The following MEX3C variants were observed in gnomAD, a reference collection of about 807,000 sequenced individuals.
The protein encoded by MEX3C is mex-3 RNA binding family member C.
Under a neutral mutation model 35.5 loss-of-function variants are expected in MEX3C, and 15 were observed. The observed-to-expected ratio is 0.42, with a 90% CI of 0.28 to 0.65. The LOEUF is 0.65. Among genes scored for constraint, MEX3C ranks in the 30% least tolerant of loss-of-function variants. MEX3C has a pLI of 0.20. For missense variants in MEX3C, 711 were observed against 842.8 expected (o/e 0.84, Z 1.94); for synonymous variants, 390 against 352.8 (o/e 1.11, Z -1.18).
At chr18:51,181,670 G>A (rs1038491911) in intron 1 of MEX3C, among the ~76,000 whole-genome samples, 11 of 152,132 alleles carry the variant, frequency 7.2e-5, no homozygotes, top group Non-Finnish European at 1.2e-4. Context: ...AATAACTTCT[G>A]TATTTTATAA....
At chr18:51,178,306 T>C (rs1912347866) in intron 1 of MEX3C, among the ~76,000 whole-genome samples, 1 of 152,060 alleles carries the variant, frequency 6.6e-6, no homozygotes, top group Non-Finnish European at 1.5e-5. Context: ...ATCCTAAGTA[T>C]ATTTAAGTTA....
In MEX3C at chr18:51,197,077, G is replaced by A; in HGVS notation, c.244C>T (p.Arg82Trp). The part of the protein sequence containing the change: ...APAAAAQGQA[R>W]RAAELSPEER... ...TCTGGAGACAGCTCCGCCGCCCGCC[G>A]GGCCTGGCCCTGCGCCGCCGCTGCC... The change falls in exon 1 of 2, where the codon CGG (arginine) becomes TGG (tryptophan). Residue 82 changes from arginine to tryptophan, a missense_variant. This residue lies in a region of MEX3C where 354 missense variants were observed against 311.6 expected (regional missense o/e 1.14). Transcript: ENST00000406189. 7.5e-7 allele frequency: 1 copy of A among 1,331,614 alleles called. No individual in the cohort carries two copies. The highest frequency in any genetic ancestry group is 9.6e-7 in the Non-Finnish European group (1 of 1,046,396). 82.5% of individuals were successfully genotyped at this position (1,331,614 alleles called of 1,614,324 possible). A position where few individuals can be genotyped will look rare whatever the true frequency, so the allele number is the denominator to read the frequency against.
At chr18:51,186,271 G>A (rs1912535423) in intron 1 of MEX3C, among the ~76,000 whole-genome samples, 2 of 152,126 alleles carry the variant, frequency 1.3e-5, no homozygotes, top group Admixed American at 1.3e-4. Context: ...TACAGTAACC[G>A]GTTTAAAGGT....
Position 51,189,653 on chromosome 18 carries a change from G to A in MEX3C, c.754+6914C>T, listed in dbSNP as rs558976174. On this transcript the variant is annotated intron_variant, in intron 1 of 1. Transcript: ENST00000406189. ...CTGAAAGAAAAAACCAGAAGAGGGT[G>A]TAAATTAGAGATGAAAGGCAGAAGT... Among the ~76,000 whole-genome samples the A allele has an allele frequency of 3.5e-3, 534 of 152,292 alleles. 2 individuals are homozygous for A. The highest frequency in any genetic ancestry group is 6.3e-3 in the Non-Finnish European group (430 of 68,008).
chr18:51,184,130 C>T (rs1912485265), intron 1 of MEX3C, among the ~76,000 whole-genome samples: 1 of 152,110 alleles, frequency 6.6e-6, no homozygotes, highest in Non-Finnish European at 1.5e-5. Context: ...AGGCAAGGAA[C>T]TTCAGGTGTC....
chr18:51,193,311 T>A lies in MEX3C; in HGVS notation c.754+3256A>T, dbSNP rs1912697154. 4 of 152,166 alleles carry A rather than the reference T, an allele frequency of 2.6e-5. No individual in the cohort carries two copies. In the South Asian group the frequency reaches 8.3e-4, roughly 31 times the overall value. The allele number at this position is 152,166 out of a possible 1,614,324, so 9.4% of individuals were successfully genotyped here. On this transcript the variant is annotated intron_variant, in intron 1 of 1. Coordinates refer to ENST00000406189, the MANE Select transcript of MEX3C (RefSeq NM_016626.5). ...AAGTCTAATGAAAGATACACATTTA[T>A]CCTAATAGTAATACAAAATCTTGGG...
rs368718407 is a variant in MEX3C, at chr18:51,196,982, C to T, written c.339G>A (p.Glu113=). ...CGTCCAGCTCCGCTTCCTCCCCCTCCTCCTCGTCCTCTTCCAGCTCCAGCT... is the reference window on the plus strand; with the variant it reads ...CGTCCAGCTCCGCTTCCTCCCCCTCTTCCTCGTCCTCTTCCAGCTCCAGCT... ...AAELELEEDE[E]EGEEAELDGD... is the part of the protein sequence containing the mutation. Residue 113 remains glutamate (E), a synonymous_variant, in exon 1 of 2, where the codon GAG becomes GAA. Coordinates refer to ENST00000406189, the MANE Select transcript of MEX3C (RefSeq NM_016626.5). 10 of 1,537,686 alleles carry T rather than the reference C, an allele frequency of 6.5e-6. No individual in the cohort carries two copies. In the African/African-American group the frequency reaches 1.1e-4, roughly 17 times the overall value.
intron 1 of MEX3C, among the ~76,000 whole-genome samples, chr18:51,183,018 G>A (rs1912462938): frequency 6.6e-6 from 1 of 152,200 alleles, no homozygotes; most frequent in South Asian, 2.1e-4. Context: ...CCAGTACAGT[G>A]ATAGTGAAAA....
In MEX3C at chr18:51,197,006, C is replaced by T. The variant is rs1217669348; in HGVS notation, c.315G>A (p.Glu105=). 7 of 1,527,858 alleles carry T rather than the reference C, an allele frequency of 4.6e-6. No individual in the cohort carries two copies. Among genetic ancestry groups the T allele is most frequent in the African/African-American group, 1.4e-5 (1 of 70,196 alleles). The allele number at this position is 1,527,858 out of a possible 1,614,324, so 94.6% of individuals were successfully genotyped here. The change falls in exon 1 of 2, where the codon GAG becomes GAA. Residue 105 remains glutamate (E), a synonymous_variant. Coordinates refer to ENST00000406189, the MANE Select transcript of MEX3C (RefSeq NM_016626.5). ...CCTCCTCGTCCTCTTCCAGCTCCAG[C>T]TCGGCCGCCTCCGGGGCCCCGGGCC... ...PGRPGAPEAA[E]LELEEDEEEG...
Position 51,192,086 on chromosome 18 carries a change from A to G in MEX3C, c.754+4481T>C, listed in dbSNP as rs1289343189. On this transcript the variant is annotated intron_variant, in intron 1 of 1. Coordinates refer to ENST00000406189, the MANE Select transcript of MEX3C (RefSeq NM_016626.5). ...AAACTTACGCTGTAAAGAACCACCTAGAATTCCAACCTATAAACATTGTTT... is the reference window on the plus strand; with the variant it reads ...AAACTTACGCTGTAAAGAACCACCTGGAATTCCAACCTATAAACATTGTTT... 3.9e-5 allele frequency among the ~76,000 whole-genome samples: 6 copies of G among 152,190 alleles called. No homozygotes were observed. In the East Asian group the frequency reaches 1.2e-3, roughly 29 times the overall value.
intron 1 of MEX3C, among the ~76,000 whole-genome samples, chr18:51,190,798 T>C (rs966376207): frequency 2.6e-5 from 4 of 152,186 alleles, no homozygotes; most frequent in Non-Finnish European, 5.9e-5. Context: ...CATTAGAAAA[T>C]TATTTTCAAG....
At chr18:51,195,027 T>C (rs2144560679) in intron 1 of MEX3C, 1 of 152,264 alleles carries the variant, frequency 6.6e-6, no homozygotes, top group South Asian at 2.1e-4. Flanking sequence ...TTTATTAGAC[T>C]GTTATCTTCT....
At chr18:51,189,755 G>A (rs1429655040) in intron 1 of MEX3C, among the ~76,000 whole-genome samples, 4 of 152,044 alleles carry the variant, frequency 2.6e-5, no homozygotes, top group Non-Finnish European at 5.9e-5. Context: ...TTATCTGTCT[G>A]GGTACCATAC....
At chr18:51,186,569 C>T (rs62092912) in intron 1 of MEX3C, among the ~76,000 whole-genome samples, 3,601 of 152,176 alleles carry the variant, frequency 0.024, 57 homozygotes, top group Non-Finnish European at 0.034. Flanking sequence ...AAGGGAATTT[C>T]GACTTTATCG....
At chr18:51,194,924 C>T (rs141096630) in intron 1 of MEX3C, 2,053 of 152,358 alleles carry the variant, frequency 0.013, 27 homozygotes, top group Non-Finnish European at 0.02. Flanking sequence ...TGTTAGACTC[C>T]TTCCTACCCA....
chr18:51,190,606 C>G (rs1278666268), intron 1 of MEX3C, among the ~76,000 whole-genome samples: 2 of 152,160 alleles, frequency 1.3e-5, no homozygotes, highest in South Asian at 4.1e-4. Flanking sequence ...TCCGTACTTA[C>G]CGGACAAGGG....
At chr18:51,187,188 T>TC (rs112603933) in intron 1 of MEX3C, among the ~76,000 whole-genome samples, 3,658 of 152,290 alleles carry the variant, frequency 0.024, 160 homozygotes, top group African/African-American at 0.082. Flanking sequence ...CCTTACATAA[T>TC]CTGGAAAACC....
Position 51,196,709 on chromosome 18 carries a change from G to A in MEX3C, c.612C>T (p.Ala204=), listed in dbSNP as rs941335934. The A allele has an allele frequency of 2.0e-6, 3 of 1,538,122 alleles. No homozygotes were observed. The highest frequency in any genetic ancestry group is 2.6e-6 in the Non-Finnish European group (3 of 1,147,096). ...CCGCCCCACAACCGCCGGGGCCGTA[G>A]GCGTGGGACAGCATCGCCGCCATCA... ...QGMMAAMLSH[A]YGPGGCGAAA... The change falls in exon 1 of 2, where the codon GCC becomes GCT. Residue 204 remains alanine (A), a synonymous_variant. Transcript: ENST00000406189.
Position 51,196,772 on chromosome 18 carries a change from CGCCGCCGCCGCG to C in MEX3C, c.537_548del (p.Ala181_Ala184del), listed in dbSNP as rs755007128. ...CGTCCCCTCCGTACAGCACCCCCGC[CGCCGCCGCCGCG>C]GCCGCCGCCTCCCGGGCATCGAACC... On this transcript the variant is annotated inframe_deletion, in exon 1 of 2. Transcript: ENST00000406189. 7.2e-5 allele frequency: 106 copies of C among 1,469,948 alleles called. No individual in the cohort carries two copies. Among genetic ancestry groups the C allele is most frequent in the Admixed American group, 2.6e-4 (12 of 45,308 alleles). 91.1% of individuals were successfully genotyped at this position (1,469,948 alleles called of 1,614,324 possible).
Sources: gnomAD v4.1 joint callset for allele counts (sites outside exome capture counted in the v4.1 genomes callset) on GRCh38, gnomAD v4.1.1 for gene constraint, gnomAD v4.1.1 regional missense constraint, MANE v1.5 for transcripts, NCBI Gene and HGNC (gene_info 2026-07-23, HGNC 2026-07-21) for gene names.